Variants in RPL13A observed in about 807,000 individuals in gnomAD.
RPL13A encodes the protein large ribosomal subunit protein uL13.
A neutral mutation model predicts 30.8 loss-of-function variants in RPL13A; 4 were observed. That is an observed-to-expected ratio of 0.13 (90% confidence interval 0.06 to 0.30). The LOEUF is 0.30. Ranked by LOEUF, RPL13A falls within the 10% of genes least tolerant of loss-of-function variation. RPL13A has a pLI of 1.00. For synonymous variants in RPL13A, 108 were observed against 104.2 expected (o/e 1.04, Z -0.22); for missense variants, 196 against 272.6 (o/e 0.72, Z 1.98).
chr19:49,491,000 G>A, intron 5 of RPL13A, 40 bp from the exon 6 acceptor site: 1 of 1,613,432 alleles, frequency 6.2e-7, no homozygotes, highest in Non-Finnish European at 8.5e-7. Context: ...TTCCCTGTCT[G>A]TCCCTCCCGG....
chr19:49,491,490 G>A lies in RPL13A; in HGVS notation c.468G>A (p.Leu156=). Residue 156 remains leucine (L), a synonymous_variant, in exon 7 of 8, where the codon CTG becomes CTA. Coordinates refer to ENST00000391857, the MANE Select transcript of RPL13A (RefSeq NM_012423.4). ...GWKYQAVTAT[L]EEKRKEKAKI... ...AGTACCAGGCAGTGACAGCCACCCT[G>A]GAGGAGAAGAGGAAAGAGAAAGCCA... 6.7e-7 allele frequency: 1 copy of A among 1,484,016 alleles called. No homozygotes were observed. Among genetic ancestry groups the A allele is most frequent in the Non-Finnish European group, 9.0e-7 (1 of 1,115,772 alleles). The allele number at this position is 1,484,016 out of a possible 1,614,324, so 91.9% of individuals were successfully genotyped here. A position where few individuals can be genotyped will look rare whatever the true frequency, so the allele number is the denominator to read the frequency against.
chr19:49,490,959 A>C (rs1358807554), intron 5 of RPL13A, 81 bp from the exon 6 acceptor site: 6 of 1,604,052 alleles, frequency 3.7e-6, no homozygotes, highest in African/African-American at 1.3e-5. Context: ...TGAAAGCAGC[A>C]CTGGCTGAGA....
intron 6 of RPL13A, 57 bp downstream of exon 6, chr19:49,491,156 A>G (rs1395727171): frequency 6.4e-7 from 1 of 1,574,684 alleles, no homozygotes; most frequent in Admixed American, 1.7e-5. Flanking sequence ...CTGCTGAGGG[A>G]CCTGGGGACC....
chr19:49,490,417 G>C (rs542504266), intron 3 of RPL13A, 58 bp from the exon 4 acceptor site: 1 of 1,599,694 alleles, frequency 6.3e-7, no homozygotes, highest in African/African-American at 1.3e-5. Flanking sequence ...GCCCTTGGAA[G>C]TGGGGTTTTG....
chr19:49,491,601 C>G, intron 7 of RPL13A, 54 bp downstream of exon 7: 2 of 1,556,040 alleles, frequency 1.3e-6, no homozygotes, highest in African/African-American at 1.4e-5. Flanking sequence ...ACAGGCCTGG[C>G]AGGTGCCTTG....
rs1341161014 is a variant in RPL13A at position 49,490,552 on chromosome 19, C to T, written c.232C>T (p.Arg78Cys). ...CCCCTACCACTTCCGGGCCCCCAGC[C>T]GCATCTTCTGGCGGACCGTGCGAGG... ...RGPYHFRAPS[R>C]IFWRTVRGML... Residue 78 changes from arginine to cysteine, a missense_variant, in exon 4 of 8, where the codon CGC becomes TGC. By Grantham distance (180) the Arg-to-Cys change is radical. Transcript: ENST00000391857. 20 of 1,614,176 alleles carry T rather than the reference C, an allele frequency of 1.2e-5. No individual in the cohort carries two copies. Among genetic ancestry groups the T allele is most frequent in the Admixed American group, 1.7e-5 (1 of 60,018 alleles).
chr19:49,489,046 G>A (rs2079838246), intron 1 of RPL13A, among the ~76,000 whole-genome samples: 1 of 152,240 alleles, frequency 6.6e-6, no homozygotes, highest in East Asian at 1.9e-4. Context: ...CGGTGCCTGA[G>A]CAGTTTACCG....
At chr19:49,487,676 G>C in intron 1 of RPL13A, 32 bp downstream of exon 1, 1 of 1,508,384 alleles carries the variant, frequency 6.6e-7, no homozygotes, top group Non-Finnish European at 8.8e-7. Context: ...GGGCGGCAAG[G>C]GGCCGGGTGG....
chr19:49,491,400 T>TCTGG, intron 6 of RPL13A, 25 bp from the exon 7 acceptor site: 1 of 976,862 alleles, frequency 1.0e-6, no homozygotes. Flanking sequence ...CTTCATTTGT[T>TCTGG]CACCCCCCCC....
Position 49,491,889 on chromosome 19 carries a change from C to G in RPL13A, c.*74C>G. ...TTGTTGCCCTGGAATGTACGGGACC[C>G]AGGGGCAGCAGCAGTCCAGGTGCCA... On this transcript the variant is annotated 3_prime_UTR_variant, in exon 8 of 8. Transcript: ENST00000391857. 1.6e-6 allele frequency: 2 copies of G among 1,213,538 alleles called. No individual in the cohort carries two copies. The highest frequency in any genetic ancestry group is 2.4e-6 in the Non-Finnish European group (2 of 847,586). 75.2% of individuals were successfully genotyped at this position (1,213,538 alleles called of 1,614,324 possible).
At chr19:49,490,627 G>A in intron 4 of RPL13A, 51 bp downstream of exon 4, 1 of 1,594,252 alleles carries the variant, frequency 6.3e-7, no homozygotes, top group Non-Finnish European at 8.6e-7. Context: ...GGCCGGTGAT[G>A]AGAACTTCTC....
rs2079869380 is a variant in RPL13A at position 49,491,416 on chromosome 19, C to CG, written c.403-9_403-8insG. 6 of 1,066,324 alleles carry CG rather than the reference C, an allele frequency of 5.6e-6. No homozygotes were observed. The highest frequency in any genetic ancestry group is 6.5e-6 in the Non-Finnish European group (5 of 767,462). 66.1% of individuals were successfully genotyped at this position (1,066,324 alleles called of 1,614,324 possible). On this transcript the variant is annotated splice_polypyrimidine_tract_variant and intron_variant, in intron 6 of 7. Coordinates refer to ENST00000391857, the MANE Select transcript of RPL13A (RefSeq NM_012423.4). ...TTCATTTGTTCACCCCCCCCCCCCC[C>CG]CCCCGCAGTTTGCCTATCTGGGGCG...
intron 4 of RPL13A, 90 bp from the exon 5 acceptor site, chr19:49,490,689 T>C: frequency 6.3e-7 from 1 of 1,575,644 alleles, no homozygotes. Context: ...TGCACTACCA[T>C]CTGAGGCCAC....
chr19:49,488,617 A>G (rs1035284251), intron 1 of RPL13A, among the ~76,000 whole-genome samples: 4 of 152,186 alleles, frequency 2.6e-5, no homozygotes, highest in African/African-American at 9.7e-5. Flanking sequence ...GTCTGTCTGG[A>G]TTTTAGAGTC....
At chr19:49,487,775 G>A (rs947127992) in intron 1 of RPL13A, 131 bp downstream of exon 1, 29 of 961,666 alleles carry the variant, frequency 3.0e-5, no homozygotes, top group Non-Finnish European at 4.3e-5. Flanking sequence ...GAAGTCTTTT[G>A]GGATAAGGGG....
intron 1 of RPL13A, among the ~76,000 whole-genome samples, chr19:49,487,952 C>G (rs948552957): frequency 6.6e-6 from 1 of 151,950 alleles, no homozygotes; most frequent in African/African-American, 2.4e-5. Context: ...GGGGTAGAGT[C>G]TTGGCCGAAT....
chr19:49,490,993 CCTGT>C, intron 5 of RPL13A, 43 bp from the exon 6 acceptor site: 2 of 1,612,596 alleles, frequency 1.2e-6, no homozygotes, highest in Non-Finnish European at 1.7e-6. Context: ...GACCTCCTTC[CCTGT>C]CTGTCCCTCC....
In RPL13A at chr19:49,490,789, C is replaced by G. The variant is rs11539146; in HGVS notation, c.267C>G (p.Pro89=). 5 of 1,614,146 alleles carry G rather than the reference C, an allele frequency of 3.1e-6. No homozygotes were observed. The South Asian group carries it at 4.4e-5, about 14-fold the overall frequency. ...IFWRTVRGML[P]HKTKRGQAAL... ...TCTGTCACCCAACAGGTATGCTGCC[C>G]CACAAAACCAAGCGAGGCCAGGCCG... Residue 89 remains proline, a synonymous_variant, in exon 5 of 8, where the codon CCC becomes CCG. Coordinates refer to ENST00000391857, the MANE Select transcript of RPL13A (RefSeq NM_012423.4).
At position 49,491,111 on chromosome 19, in the gene RPL13A, C is replaced by T. The variant is rs1390100592; in HGVS notation, c.402+12C>T. The T allele has an allele frequency of 6.2e-7, 1 of 1,613,966 alleles. No individual in the cohort carries two copies. Among genetic ancestry groups the T allele is most frequent in the Non-Finnish European group, 8.5e-7 (1 of 1,180,000 alleles). On this transcript the variant is annotated intron_variant, in intron 6 of 7. Coordinates refer to ENST00000391857, the MANE Select transcript of RPL13A (RefSeq NM_012423.4). ...AGCCTACAAGAAAGGTGAGTCCCAG[C>T]TTACGCTGCACCATCTACTTGGGAG...
Sources: gnomAD v4.1 joint callset for allele counts (sites outside exome capture counted in the v4.1 genomes callset) on GRCh38, gnomAD v4.1.1 for gene constraint, MANE v1.5 for transcripts, NCBI Gene and HGNC (gene_info 2026-07-23, HGNC 2026-07-21) for gene names.